PRDM16: variants seen among roughly 807,000 people sequenced by gnomAD.
PRDM16 encodes the protein histone-lysine N-methyltransferase PRDM16.
In PRDM16, 23 loss-of-function variants were observed where a neutral mutation model predicts 110.6. The ratio of observed to expected loss-of-function variants is 0.21; its 90% CI spans 0.15 to 0.29. The LOEUF is 0.29. PRDM16 is among the 10% of genes least tolerant of loss of function. The pLI is 1.00. For missense variants in PRDM16, 1,615 were observed against 1,794.3 expected (o/e 0.90, Z 1.81); for synonymous variants, 799 against 781.8 (o/e 1.02, Z -0.37).
intron 3 of PRDM16, among the ~76,000 whole-genome samples, chr1:3,281,719 G>A (rs767332075): frequency 3.3e-5 from 5 of 152,250 alleles, no homozygotes; most frequent in Admixed American, 2.6e-4. Flanking sequence ...GCTATGATCG[G>A]TTTGATGTGC....
intron 3 of PRDM16, among the ~76,000 whole-genome samples, chr1:3,279,542 C>T (rs1640665679): frequency 6.6e-6 from 1 of 152,246 alleles, no homozygotes; most frequent in South Asian, 2.1e-4. Context: ...CCGGAGACCC[C>T]TTGTGACTGG....
chr1:3,114,270 ACACACG>A lies in PRDM16; in HGVS notation c.37+44980_37+44985del, dbSNP rs1272669232. On this transcript the variant is annotated intron_variant, in intron 1 of 16. Transcript: ENST00000270722. ...CATGCACACGCACGCGCACACGTAC[ACACACG>A]CACACACGCAGTGGAAACGCACACG... is the stretch of plus-strand genomic sequence containing the variant. 1.3e-4 allele frequency among the ~76,000 whole-genome samples: 19 copies of A among 146,528 alleles called. 1 individual carries two copies. The highest frequency in any genetic ancestry group is 8.8e-4 in the Admixed American group (13 of 14,726).
chr1:3,404,463 G>A (rs1429737125), intron 6 of PRDM16, among the ~76,000 whole-genome samples: 1 of 152,244 alleles, frequency 6.6e-6, no homozygotes, highest in Non-Finnish European at 1.5e-5. Flanking sequence ...CCGGGGTCCG[G>A]CACTGCCTCC....
In PRDM16 at chr1:3,435,364, T is replaced by C. The variant is rs1038681901; in HGVS notation, c.*1553T>C. On this transcript the variant is annotated 3_prime_UTR_variant, in exon 17 of 17. Transcript: ENST00000270722. ...AAGGACCAAAACCGTGTGATAAGGT[T>C]GTGTGTCGTGTGGGAGTGGGGCGAT... 5.6e-5 allele frequency: 13 copies of C among 230,590 alleles called. No individual in the cohort carries two copies. In the Admixed American group the frequency reaches 5.7e-4, roughly 10 times the overall value. The allele number at this position is 230,590 out of a possible 1,614,324, so 14.3% of individuals were successfully genotyped here.
At chr1:3,423,327 A>G (rs1389823394) in intron 12 of PRDM16, among the ~76,000 whole-genome samples, 1 of 152,172 alleles carries the variant, frequency 6.6e-6, no homozygotes, top group African/African-American at 2.4e-5. Flanking sequence ...CACGTGGGGA[A>G]TGCTGAGCTC....
chr1:3,169,222 C>G lies in PRDM16; in HGVS notation c.38-16903C>G, dbSNP rs1267435070. Among the ~76,000 whole-genome samples, 6 of 152,254 alleles carry G rather than the reference C, an allele frequency of 3.9e-5. No homozygotes were observed. The East Asian group carries it at 7.7e-4, about 20-fold the overall frequency. On this transcript the variant is annotated intron_variant, in intron 1 of 16. Coordinates refer to ENST00000270722, the MANE Select transcript of PRDM16 (RefSeq NM_022114.4). ...TTCTACTGTTTCTTTTCAACAAAAC[C>G]CATGGTTTGGAACCTCGGGAAGAAA...
chr1:3,329,099 C>A lies in PRDM16; in HGVS notation c.439-56053C>A, dbSNP rs1641987225. On this transcript the variant is annotated intron_variant, in intron 3 of 16. Transcript: ENST00000270722. ...GGCCCCTGGACCCCTCTTCCACTCA[C>A]CACCTCTGCCCCCAAGGGCCTCCCA... 3.9e-5 allele frequency among the ~76,000 whole-genome samples: 6 copies of A among 152,344 alleles called. No homozygotes were observed. The South Asian group carries it at 1.2e-3, about 32-fold the overall frequency.
intron 1 of PRDM16, among the ~76,000 whole-genome samples, chr1:3,116,218 C>T (rs1642955152): frequency 6.6e-6 from 1 of 152,168 alleles, no homozygotes; most frequent in South Asian, 2.1e-4. Flanking sequence ...AGGGATGGTT[C>T]CAGACCCCAT....
chr1:3,420,479 G>A (rs575820793), intron 12 of PRDM16, among the ~76,000 whole-genome samples: 4 of 152,344 alleles, frequency 2.6e-5, no homozygotes, highest in Non-Finnish European at 5.9e-5. Context: ...GCAGCCCCGC[G>A]CAAGCAGGAG....
intron 2 of PRDM16, among the ~76,000 whole-genome samples, chr1:3,219,069 G>A (rs966443425): frequency 2.6e-5 from 4 of 152,220 alleles, no homozygotes; most frequent in Non-Finnish European, 5.9e-5. Flanking sequence ...ACACTGCCGC[G>A]AGGAGGGCCT....
chr1:3,264,349 G>T (rs1197434974), intron 3 of PRDM16, among the ~76,000 whole-genome samples: 1 of 151,958 alleles, frequency 6.6e-6, no homozygotes, highest in African/African-American at 2.4e-5. Flanking sequence ...CAGGGGAGGG[G>T]TGTGGAGGGG....
intron 3 of PRDM16, among the ~76,000 whole-genome samples, chr1:3,249,006 C>T (rs531355577): frequency 6.6e-6 from 1 of 152,250 alleles, no homozygotes; most frequent in South Asian, 2.1e-4. Context: ...TGGAGGAGGC[C>T]ACACACCCTG....
intron 1 of PRDM16, among the ~76,000 whole-genome samples, chr1:3,099,424 G>A (rs920000803): frequency 1.6e-4 from 25 of 152,228 alleles, no homozygotes; most frequent in African/African-American, 5.1e-4. Context: ...CGGAGGCCCC[G>A]GAGCCCCGGA....
At chr1:3,184,144 G>A (rs534640673) in intron 1 of PRDM16, among the ~76,000 whole-genome samples, 1 of 152,274 alleles carries the variant, frequency 6.6e-6, no homozygotes, top group South Asian at 2.1e-4. Flanking sequence ...GATCCGCCGC[G>A]TCAATTAGAA....
At chr1:3,357,565 A>AGAACAGGTCCCTTCAGC (rs1281511684) in intron 3 of PRDM16, among the ~76,000 whole-genome samples, 2 of 151,072 alleles carry the variant, frequency 1.3e-5, no homozygotes, top group African/African-American at 4.9e-5. Flanking sequence ...CGTTCCCCCC[A>AGAACAGGTCCCTTCAGC]CGGGCCCCCA....
intron 1 of PRDM16, among the ~76,000 whole-genome samples, chr1:3,117,470 G>A (rs1057054690): frequency 2.0e-5 from 3 of 152,266 alleles, no homozygotes; most frequent in African/African-American, 7.2e-5. Context: ...TGAGGTGCAT[G>A]TCTGGGGAGT....
intron 1 of PRDM16, among the ~76,000 whole-genome samples, chr1:3,123,398 G>T (rs111877857): frequency 0.01 from 1,589 of 152,358 alleles, 11 homozygotes; most frequent in Non-Finnish European, 0.018. Flanking sequence ...GCAGAGGGGG[G>T]TGTGGGTGGC....
chr1:3,219,303 C>T (rs1443474879), intron 2 of PRDM16, among the ~76,000 whole-genome samples: 1 of 152,226 alleles, frequency 6.6e-6, no homozygotes, highest in East Asian at 1.9e-4. Flanking sequence ...GAAAATGTTT[C>T]ACACTGTGTC....
At chr1:3,276,209 G>A (rs777765424) in intron 3 of PRDM16, among the ~76,000 whole-genome samples, 5 of 152,242 alleles carry the variant, frequency 3.3e-5, no homozygotes, top group Non-Finnish European at 5.9e-5. Flanking sequence ...GTCCTTGTGC[G>A]GGAGTCACTT....
Sources: gnomAD v4.1 joint callset for allele counts (sites outside exome capture counted in the v4.1 genomes callset) on GRCh38, gnomAD v4.1.1 for gene constraint, MANE v1.5 for transcripts, NCBI Gene and HGNC (gene_info 2026-07-23, HGNC 2026-07-21) for gene names.